The following ADAM9 variants were observed in gnomAD, a reference collection of about 807,000 sequenced individuals.
ADAM9 encodes ADAM metallopeptidase domain 9.
ADAM9 carries 54 observed loss-of-function variants against 108.1 expected under a neutral mutation model. That is an observed-to-expected ratio of 0.50 (90% CI 0.40 to 0.63). ADAM9 has a LOEUF of 0.63. Ranked by LOEUF, ADAM9 falls within the 20% of genes least tolerant of loss-of-function variation. ADAM9 has a pLI of 0.00. For missense variants in ADAM9, 830 were observed against 997.7 expected (o/e 0.83, Z 2.26); for synonymous variants, 316 against 336.0 (o/e 0.94, Z 0.65).
intron 1 of ADAM9, among the ~76,000 whole-genome samples, chr8:39,003,469 GCTA>G (rs892886322): frequency 7.5e-6 from 1 of 133,192 alleles, no homozygotes; most frequent in Non-Finnish European, 1.5e-5. Context: ...ATGAGAAACT[GCTA>G]CTATTTGGAA....
chr8:39,000,935 A>G (rs1835973756), intron 1 of ADAM9, among the ~76,000 whole-genome samples: 1 of 152,194 alleles, frequency 6.6e-6, no homozygotes, highest in Non-Finnish European at 1.5e-5. Context: ...ACATGTTATA[A>G]TGTAGGGCAG....
rs1564301601 is a variant in ADAM9 at position 39,045,412 on chromosome 8, G to GTGT, written c.1302+3295_1302+3296insTGT. On this transcript the variant is annotated intron_variant, in intron 12 of 21. Transcript: ENST00000487273. ...TGTGTGTACACACACCTATATGTGC[G>GTGT]CGTGTGTACACACACCTATATGTGC... Among the ~76,000 whole-genome samples the GTGT allele has an allele frequency of 1.2e-4, 5 of 40,134 alleles. 1 individual carries two copies. Among genetic ancestry groups the GTGT allele is most frequent in the Non-Finnish European group, 2.8e-4 (5 of 17,736 alleles). 26.3% of individuals were successfully genotyped at this position (40,134 alleles called of 152,430 possible). A position where few individuals can be genotyped will look rare whatever the true frequency, so the allele number is the denominator to read the frequency against.
Position 39,090,147 on chromosome 8 carries a change from G to A in ADAM9, c.2169G>A (p.Leu723=). ...AIFIFIKRDQ[L]WRSYFRKKRS... is the part of the protein sequence containing the mutation. ...TTATCTTCATCAAGAGGGATCAACT[G>A]TGGAGAAGCTACTTCAGAAAGAAGA... is the stretch of plus-strand genomic sequence containing the variant. The change falls in exon 19 of 22, where the codon CTG becomes CTA. Residue 723 remains leucine (L), a synonymous_variant. Transcript: ENST00000487273. The A allele has an allele frequency of 6.2e-7, 1 of 1,613,910 alleles. No individual in the cohort carries two copies. The highest frequency in any genetic ancestry group is 8.5e-7 in the Non-Finnish European group (1 of 1,179,914).
intron 11 of ADAM9, among the ~76,000 whole-genome samples, chr8:39,035,747 G>A (rs1837251452): frequency 6.6e-6 from 1 of 152,174 alleles, no homozygotes; most frequent in South Asian, 2.1e-4. Context: ...AACCCGGGAG[G>A]CAGAGCTTGC....
intron 14 of ADAM9, among the ~76,000 whole-genome samples, chr8:39,058,417 G>A (rs563626006): frequency 2.0e-5 from 3 of 152,284 alleles, no homozygotes; most frequent in South Asian, 2.1e-4. Flanking sequence ...CCAAACTGTC[G>A]TTCTTGAAGG....
At chr8:39,077,551 A>G in intron 16 of ADAM9, 140 bp downstream of exon 16, 1 of 844,740 alleles carries the variant, frequency 1.2e-6, no homozygotes, top group Non-Finnish European at 1.7e-6. Context: ...AAAGCCACCA[A>G]AAGAAAATTA....
At chr8:39,018,942 T>A in intron 7 of ADAM9, 24 bp downstream of exon 7, 3 of 1,608,174 alleles carry the variant, frequency 1.9e-6, no homozygotes, top group Non-Finnish European at 2.6e-6. Context: ...CAATTTTTCT[T>A]CTTTTCCATG....
intron 20 of ADAM9, among the ~76,000 whole-genome samples, chr8:39,098,771 C>T (rs962439363): frequency 2.4e-4 from 36 of 152,100 alleles, no homozygotes; most frequent in Admixed American, 1.5e-3. Flanking sequence ...TGCTGACTCT[C>T]GTGATGGCTC....
intron 11 of ADAM9, among the ~76,000 whole-genome samples, chr8:39,028,195 A>G (rs1836985606): frequency 6.6e-6 from 1 of 152,186 alleles, no homozygotes; most frequent in Non-Finnish European, 1.5e-5. Context: ...AGTAATAAAA[A>G]CTTCTGTCAA....
At chr8:39,019,913 T>TGTGA (rs1448297325) in intron 7 of ADAM9, among the ~76,000 whole-genome samples, 2 of 152,248 alleles carry the variant, frequency 1.3e-5, no homozygotes, top group African/African-American at 4.8e-5. Flanking sequence ...TATGAACAAG[T>TGTGA]GTGAACTCTG....
At chr8:39,061,579 A>G (rs560818231) in intron 14 of ADAM9, among the ~76,000 whole-genome samples, 5 of 152,284 alleles carry the variant, frequency 3.3e-5, no homozygotes, top group African/African-American at 4.8e-5. Context: ...TGCTATTATA[A>G]CAAAATGCCA....
chr8:39,007,463 A>AG (rs933093913), intron 1 of ADAM9, among the ~76,000 whole-genome samples: 1 of 152,186 alleles, frequency 6.6e-6, no homozygotes, highest in African/African-American at 2.4e-5. Context: ...ATGCTGGGTG[A>AG]GGGGGAGGAA....
intron 12 of ADAM9, 22 bp downstream of exon 12, chr8:39,042,139 T>A: frequency 6.2e-7 from 1 of 1,613,878 alleles, no homozygotes; most frequent in South Asian, 1.1e-5. Flanking sequence ...TTTTGACTTT[T>A]GCCTTGTAAA....
intron 18 of ADAM9, 136 bp downstream of exon 18, chr8:39,083,209 G>T (rs965895392): frequency 8.7e-5 from 62 of 711,592 alleles, no homozygotes; most frequent in Admixed American, 2.1e-4. Context: ...AATTCCTTGT[G>T]ACTGTTTCCA....
At chr8:39,046,487 A>G (rs1404666866) in intron 12 of ADAM9, among the ~76,000 whole-genome samples, 1 of 152,162 alleles carries the variant, frequency 6.6e-6, no homozygotes, top group African/African-American at 2.4e-5. Flanking sequence ...TAGGACTTCC[A>G]ATACTAAGTT....
intron 11 of ADAM9, among the ~76,000 whole-genome samples, chr8:39,037,009 AG>A (rs1395320485): frequency 6.7e-6 from 1 of 149,192 alleles, no homozygotes; most frequent in Non-Finnish European, 1.5e-5. Context: ...GGTTGAAATT[AG>A]GGACTAAAAT....
intron 20 of ADAM9, among the ~76,000 whole-genome samples, chr8:39,092,645 C>A (rs944758876): frequency 7.3e-5 from 11 of 151,100 alleles, no homozygotes; most frequent in African/African-American, 2.4e-4. Context: ...AAAAAAAAAA[C>A]CCACTAATAT....
At chr8:39,012,075 A>T (rs983745264) in intron 3 of ADAM9, among the ~76,000 whole-genome samples, 2 of 152,202 alleles carry the variant, frequency 1.3e-5, no homozygotes, top group Admixed American at 1.3e-4. Flanking sequence ...ACTCACATAG[A>T]CTTTAATAAA....
At position 39,083,096 on chromosome 8, in the gene ADAM9, A is replaced by T. The variant is rs188793915; in HGVS notation, c.2068+23A>T. Reference sequence around the variant, plus strand: ...ATGGCAAGTAATATAGAAGAAAATTAGTGTGATCTCCCAGTGGCCCAAGGC... The same window carrying T: ...ATGGCAAGTAATATAGAAGAAAATTTGTGTGATCTCCCAGTGGCCCAAGGC... On this transcript the variant is annotated intron_variant, in intron 18 of 21. Transcript: ENST00000487273. 2.1e-4 allele frequency: 337 copies of T among 1,594,954 alleles called. 2 individuals carry two copies. The East Asian group carries it at 6.4e-3, about 30-fold the overall frequency.
Sources: gnomAD v4.1 joint callset for allele counts (sites outside exome capture counted in the v4.1 genomes callset) on GRCh38, gnomAD v4.1.1 for gene constraint, MANE v1.5 for transcripts, NCBI Gene and HGNC (gene_info 2026-07-23, HGNC 2026-07-21) for gene names.